ZMYND8: variants seen among roughly 807,000 people sequenced by gnomAD.
The protein encoded by ZMYND8 is MYND-type zinc finger-containing chromatin reader ZMYND8.
A neutral mutation model predicts 140.8 loss-of-function variants in ZMYND8; 37 were observed. The ratio of observed to expected loss-of-function variants is 0.26; its 90% CI spans 0.20 to 0.35. The LOEUF is 0.35. Among genes scored for constraint, ZMYND8 ranks in the 10% least tolerant of loss-of-function variants. The pLI, the probability that ZMYND8 is intolerant of heterozygous loss-of-function variation, is 1.00. For missense variants in ZMYND8, 1,068 were observed against 1,570.0 expected (o/e 0.68, Z 5.40); for synonymous variants, 592 against 597.1 (o/e 0.99, Z 0.12).
chr20:47,246,857 G>A (rs138166605), intron 13 of ZMYND8, among the ~76,000 whole-genome samples: 23 of 152,284 alleles, frequency 1.5e-4, no homozygotes, highest in African/African-American at 4.8e-4. Flanking sequence ...GGGAACAGCA[G>A]GGACAAGCTG....
At chr20:47,217,670 G>A (rs2146865753) in intron 21 of ZMYND8, among the ~76,000 whole-genome samples, 1 of 151,960 alleles carries the variant, frequency 6.6e-6, no homozygotes, top group East Asian at 1.9e-4. Context: ...GGGCATCTGA[G>A]TTAATGTCTC....
intron 22 of ZMYND8, among the ~76,000 whole-genome samples, chr20:47,211,341 T>C (rs1456825198): frequency 1.3e-5 from 2 of 152,180 alleles, no homozygotes; most frequent in East Asian, 1.9e-4. Flanking sequence ...TATCAATGTA[T>C]AGGCAACTTG....
In ZMYND8 at chr20:47,272,056, AGG is replaced by A. The variant is rs11333888; in HGVS notation, c.1480+4256_1480+4257del. 2.6e-4 allele frequency among the ~76,000 whole-genome samples: 38 copies of A among 146,556 alleles called. No homozygotes were observed. In the South Asian group the frequency reaches 3.1e-3, roughly 12 times the overall value. On this transcript the variant is annotated intron_variant, in intron 11 of 22. Transcript: ENST00000471951. ...ATATTGATTTCACAATTATAAAAAA[AGG>A]GGGGGGGGAGTAATATGAAACCTCT...
intron 14 of ZMYND8, among the ~76,000 whole-genome samples, chr20:47,240,179 T>G (rs1017285018): frequency 6.6e-6 from 1 of 151,712 alleles, no homozygotes; most frequent in Non-Finnish European, 1.5e-5. Context: ...GCCACTGCAC[T>G]CCGGTCTGTG....
chr20:47,296,169 C>G (rs1013490959), intron 4 of ZMYND8, among the ~76,000 whole-genome samples: 24 of 152,184 alleles, frequency 1.6e-4, no homozygotes, highest in African/African-American at 5.1e-4. Flanking sequence ...ACACAGAGCA[C>G]CTGTTTGTTT....
intron 4 of ZMYND8, among the ~76,000 whole-genome samples, chr20:47,297,862 C>A (rs2077743614): frequency 6.6e-6 from 1 of 152,174 alleles, no homozygotes; most frequent in Admixed American, 6.6e-5. Flanking sequence ...AGTGGAAACC[C>A]TAATAGTTGG....
intron 1 of ZMYND8, among the ~76,000 whole-genome samples, chr20:47,350,873 G>T (rs561878738): frequency 1.3e-5 from 2 of 152,166 alleles, no homozygotes; most frequent in Non-Finnish European, 2.9e-5. Flanking sequence ...CTACAGAAAA[G>T]GGTAAAATTA....
At chr20:47,307,267 A>G (rs1441719732) in intron 3 of ZMYND8, among the ~76,000 whole-genome samples, 1 of 151,732 alleles carries the variant, frequency 6.6e-6, no homozygotes, top group African/African-American at 2.4e-5. Context: ...CCTGGCCAAC[A>G]TGGCGAAACT....
chr20:47,221,798 CTGGGACT>C (rs1265220982), intron 19 of ZMYND8, among the ~76,000 whole-genome samples: 2 of 152,152 alleles, frequency 1.3e-5, no homozygotes, highest in East Asian at 3.9e-4. Context: ...CACCAAGTAG[CTGGGACT>C]CAGGTGCACA....
chr20:47,220,079 G>C (rs2146909603), intron 21 of ZMYND8, among the ~76,000 whole-genome samples, 179 bp downstream of exon 21: 1 of 152,248 alleles, frequency 6.6e-6, no homozygotes, highest in South Asian at 2.1e-4. Context: ...AGAGGTACCT[G>C]AAAGTTAACA....
At chr20:47,245,056 C>T (rs377324833) in intron 14 of ZMYND8, among the ~76,000 whole-genome samples, 1 of 152,094 alleles carries the variant, frequency 6.6e-6, no homozygotes, top group East Asian at 1.9e-4. Context: ...AAATTCTGTC[C>T]GCCCCCCCTC....
At chr20:47,313,539 G>A (rs569546499) in intron 2 of ZMYND8, among the ~76,000 whole-genome samples, 49 of 150,932 alleles carry the variant, frequency 3.2e-4, no homozygotes, top group East Asian at 3.9e-4. Context: ...GGAGAATGGC[G>A]TGAACCTGGG....
chr20:47,296,115 G>A (rs1000632460), intron 4 of ZMYND8, among the ~76,000 whole-genome samples: 7 of 152,096 alleles, frequency 4.6e-5, no homozygotes, highest in Non-Finnish European at 8.8e-5. Context: ...GTTGACTGCC[G>A]TAACAACTCA....
At chr20:47,226,463 C>T (rs535698979) in intron 18 of ZMYND8, among the ~76,000 whole-genome samples, 1 of 152,266 alleles carries the variant, frequency 6.6e-6, no homozygotes, top group African/African-American at 2.4e-5. Flanking sequence ...ATCCAGGGAC[C>T]AATAAAGTAT....
intron 16 of ZMYND8, among the ~76,000 whole-genome samples, chr20:47,230,353 G>A (rs767195230): frequency 1.5e-4 from 22 of 151,558 alleles, no homozygotes; most frequent in Non-Finnish European, 2.6e-4. Flanking sequence ...GTGCAGGGGC[G>A]TGATCTTGGC....
intron 8 of ZMYND8, among the ~76,000 whole-genome samples, chr20:47,284,367 G>C (rs1311403888): frequency 2.0e-5 from 3 of 152,202 alleles, no homozygotes; most frequent in African/African-American, 7.2e-5. Context: ...GCAATGTCTA[G>C]AGGCATTTTT....
chr20:47,331,304 A>G lies in ZMYND8; in HGVS notation c.85+16552T>C, dbSNP rs140269446. Among the ~76,000 whole-genome samples, 884 of 152,352 alleles carry G rather than the reference A, an allele frequency of 5.8e-3. 7 individuals carry two copies. The highest frequency in any genetic ancestry group is 0.02 in the African/African-American group (851 of 41,578). On this transcript the variant is annotated intron_variant, in intron 2 of 22. Transcript: ENST00000471951. ...ACAACTACGAGGCCACTGTAGTTCAATGGTGATAGGCTGGTTGAAGTGGAG... is the reference window on the plus strand; with the variant it reads ...ACAACTACGAGGCCACTGTAGTTCAGTGGTGATAGGCTGGTTGAAGTGGAG...
intron 2 of ZMYND8, among the ~76,000 whole-genome samples, chr20:47,325,120 C>G (rs1233959116): frequency 1.3e-5 from 2 of 152,076 alleles, no homozygotes; most frequent in African/African-American, 4.8e-5. Flanking sequence ...TGCCAGGCTG[C>G]TCTCAAACTC....
At position 47,221,352 on chromosome 20, in the gene ZMYND8, T is replaced by C. The variant is rs761869676; in HGVS notation, c.3379A>G (p.Lys1127Glu). 1 of 1,614,146 alleles carries C rather than the reference T, an allele frequency of 6.2e-7. No homozygotes were observed. The highest frequency in any genetic ancestry group is 1.1e-5 in the South Asian group (1 of 91,080). Residue 1127 changes from lysine to glutamate, a missense_variant, in exon 20 of 23, where the codon AAG becomes GAG. By Grantham distance (56) the Lys-to-Glu change is moderately conservative. Coordinates refer to ENST00000471951, the MANE Select transcript of ZMYND8 (RefSeq NM_001281775.3). ...PSETASASKE[K>E]ETSAEKSKES... ...TTGCTTTTCTCAGCTGACGTCTCCTTCTCTTTGGAGGCGCTGGCCGTTTCT... is the reference window on the plus strand; with the variant it reads ...TTGCTTTTCTCAGCTGACGTCTCCTCCTCTTTGGAGGCGCTGGCCGTTTCT...
Sources: allele counts gnomAD v4.1 joint callset (sites outside exome capture counted in the v4.1 genomes callset), GRCh38; gene constraint gnomAD v4.1.1; transcripts MANE v1.5; gene names NCBI Gene and HGNC (gene_info 2026-07-23, HGNC 2026-07-21).